The following COL20A1 variants were observed in gnomAD, a reference collection of about 807,000 sequenced individuals.
COL20A1 encodes the protein collagen alpha-1(XX) chain.
A neutral mutation model predicts 152.9 loss-of-function variants in COL20A1; 164 were observed. That is an observed-to-expected ratio of 1.07 (90% CI 0.94 to 1.22). COL20A1 has a LOEUF of 1.22. Among genes scored for constraint, COL20A1 ranks in the 50% most tolerant of loss-of-function variants. The probability of loss-of-function intolerance (pLI) is 0.00; values close to 1 mark genes in which losing one functional copy is unlikely to be tolerated. For missense variants in COL20A1, 1,873 were observed against 1,744.8 expected, an observed-to-expected ratio of 1.07 and a Z score of -1.31; for synonymous variants, 864 against 756.0, an observed-to-expected ratio of 1.14 and a Z score of -2.34.
At chr20:63,329,923 G>A (rs984548472) in intron 35 of COL20A1, among the ~76,000 whole-genome samples, 6 of 152,206 alleles carry the variant, frequency 3.9e-5, no homozygotes, top group South Asian at 2.1e-4. Context: ...ATGGATTGGC[G>A]TGCTGGGAGT....
At chr20:63,297,226 G>A (rs1468747086) in intron 2 of COL20A1, among the ~76,000 whole-genome samples, 5 of 152,126 alleles carry the variant, frequency 3.3e-5, no homozygotes, top group African/African-American at 1.2e-4. Flanking sequence ...CACTTGTCCT[G>A]GGGACCCAGC....
rs369956737 is a variant in COL20A1 at position 63,313,204 on chromosome 20, A to G, written c.2164A>G (p.Arg722Gly). The change falls in exon 17 of 36, where the codon AGG (arginine) becomes GGG (glycine). Residue 722 changes from arginine (R) to glycine (G), a missense_variant. Physicochemically the swap from Arg to Gly is moderately radical, Grantham distance 125. Coordinates refer to ENST00000358894, the MANE Select transcript of COL20A1 (RefSeq NM_020882.4). This position sits in a 1 kb window ranked among gnomAD's most constrained non-coding sequence, Gnocchi z 5.9. ...EYDVTILAYY[R>G]DGARSDPVSL... is the part of the protein sequence containing the mutation. ...CGACGTCACCATCTTGGCCTACTAC[A>G]GGGACGGGGCCCGCAGTGACCCTGT... is the stretch of plus-strand genomic sequence containing the variant. The G allele has an allele frequency of 2.2e-5, 36 of 1,612,390 alleles. No individual in the cohort carries two copies. The highest frequency in any genetic ancestry group is 2.0e-4 in the African/African-American group (15 of 74,890).
intron 20 of COL20A1, among the ~76,000 whole-genome samples, chr20:63,316,040 G>C (rs1258029438): frequency 6.6e-6 from 1 of 152,176 alleles, no homozygotes; most frequent in Non-Finnish European, 1.5e-5. Context: ...CAGGGAATGG[G>C]GTCATCGCAG....
Position 63,319,900 on chromosome 20 carries a change from C to G in COL20A1, c.2917-139C>G. The G allele has an allele frequency of 2.4e-6, 2 of 844,282 alleles. No individual in the cohort carries two copies. Among genetic ancestry groups the G allele is most frequent in the South Asian group, 1.8e-5 (1 of 55,736 alleles). The allele number at this position is 844,282 out of a possible 1,614,324, so 52.3% of individuals were successfully genotyped here. On this transcript the variant is annotated intron_variant, in intron 23 of 35. Transcript: ENST00000358894. This position sits in a 1 kb window ranked among gnomAD's most constrained non-coding sequence, Gnocchi z 4.4. ...AAGGGGGGGTTCTCCCAGGGTCCCC[C>G]GAAACCTGAGGTGAGGTCAGGTTCC...
intron 21 of COL20A1, among the ~76,000 whole-genome samples, chr20:63,317,720 TC>T (rs1040442027): frequency 1.3e-5 from 2 of 148,792 alleles, no homozygotes; most frequent in Non-Finnish European, 3.0e-5. Context: ...ATCCTCTCCC[TC>T]CCCCCAGTCT....
At chr20:63,315,467 G>A in intron 20 of COL20A1, 28 bp downstream of exon 20, 2 of 1,552,746 alleles carry the variant, frequency 1.3e-6, no homozygotes, top group South Asian at 1.2e-5. Flanking sequence ...TCCCCTGCCT[G>A]CCCACCCACA....
In COL20A1 at chr20:63,311,722, A is replaced by G; in HGVS notation, c.1637A>G (p.Glu546Gly). ...VQSLRGPEGS[E>G]ARGIRARTPT... ...AGCCTGCGAGGCCCTGAGGGCAGCGAGGCCCGGGGCATCCGTGCCAGGACC... is the reference window on the plus strand; with the variant it reads ...AGCCTGCGAGGCCCTGAGGGCAGCGGGGCCCGGGGCATCCGTGCCAGGACC... The change falls in exon 13 of 36, where the codon GAG (glutamate) becomes GGG (glycine). Residue 546 changes from glutamate (E) to glycine (G), a missense_variant. Glu to Gly is a moderately conservative substitution (Grantham distance 98). Coordinates refer to ENST00000358894, the MANE Select transcript of COL20A1 (RefSeq NM_020882.4). The surrounding 1 kb of genome is among the most constrained non-coding windows in gnomAD (Gnocchi z 4.4). 6.3e-7 allele frequency: 1 copy of G among 1,599,108 alleles called. No individual in the cohort carries two copies. Among genetic ancestry groups the G allele is most frequent in the Non-Finnish European group, 8.5e-7 (1 of 1,176,624 alleles).
chr20:63,328,230 C>T, intron 33 of COL20A1, 101 bp from the exon 34 acceptor site: 1 of 1,554,974 alleles, frequency 6.4e-7, no homozygotes, highest in South Asian at 1.1e-5. Flanking sequence ...CCGCCTTCAC[C>T]CATCGTTAGC....
chr20:63,328,615 C>A, intron 34 of COL20A1, 117 bp downstream of exon 34: 1 of 1,000,584 alleles, frequency 1.0e-6, no homozygotes, highest in Non-Finnish European at 1.4e-6. Flanking sequence ...GCTGGAGATG[C>A]CACTGTCCAG....
rs148943986 is a variant in COL20A1, at chr20:63,321,484, C to T, written c.3240+385C>T. On this transcript the variant is annotated intron_variant, in intron 26 of 35. Transcript: ENST00000358894. ...GTGTGAGGCTTGGGACGGATCCAGG[C>T]GCAACTGGGATCCAGAACTGTGCTG... is the stretch of plus-strand genomic sequence containing the variant. Among the ~76,000 whole-genome samples the T allele has an allele frequency of 5.5e-4, 84 of 152,334 alleles. No homozygotes were observed. In the East Asian group the frequency reaches 0.014, roughly 26 times the overall value.
At chr20:63,324,320 G>T (rs1182501577) in intron 27 of COL20A1, 3 of 152,080 alleles carry the variant, frequency 2.0e-5, no homozygotes, top group Non-Finnish European at 4.4e-5. Context: ...TCTTTTTCTT[G>T]TCTAATGGTG....
chr20:63,328,732 C>T (rs910045528), intron 34 of COL20A1, among the ~76,000 whole-genome samples: 9 of 152,348 alleles, frequency 5.9e-5, no homozygotes, highest in Admixed American at 3.9e-4. Flanking sequence ...CTCAAGATGA[C>T]CTCTTCCCCA....
intron 19 of COL20A1, 21 bp downstream of exon 19, chr20:63,314,222 C>T (rs2068055776): frequency 1.3e-6 from 2 of 1,549,770 alleles, no homozygotes; most frequent in African/African-American, 1.4e-5. Flanking sequence ...ACCAAGACCC[C>T]AGACCCAGGT....
intron 1 of COL20A1, among the ~76,000 whole-genome samples, chr20:63,294,516 A>T (rs1289794499): frequency 1.3e-5 from 2 of 151,938 alleles, no homozygotes; most frequent in African/African-American, 4.8e-5. Context: ...TCTCGGCCTC[A>T]GAGCCGTGTG....
At chr20:63,307,232 G>A (rs906186232) in intron 5 of COL20A1, among the ~76,000 whole-genome samples, 42 of 152,246 alleles carry the variant, frequency 2.8e-4, no homozygotes, top group Admixed American at 1.3e-3. Flanking sequence ...CTGATGTCTG[G>A]GCGGGCAGCT....
chr20:63,304,216 C>T, intron 3 of COL20A1, among the ~76,000 whole-genome samples: 1 of 104,968 alleles, frequency 9.5e-6, no homozygotes, highest in African/African-American at 3.7e-5. Flanking sequence ...TCCCTTCCTC[C>T]CTCCAGGTGT....
intron 27 of COL20A1, 113 bp from the exon 28 acceptor site, chr20:63,325,328 G>A (rs777530563): frequency 6.1e-5 from 51 of 832,914 alleles, no homozygotes; most frequent in Non-Finnish European, 8.6e-5. Context: ...AGCAGGGCTC[G>A]CCGGGGACCC....
At chr20:63,294,146 AG>A (rs2067754074) in intron 1 of COL20A1, among the ~76,000 whole-genome samples, 1 of 24,788 alleles carries the variant, frequency 4.0e-5, no homozygotes. Context: ...GTGTGAGGGG[AG>A]GGGGAGTGCG....
chr20:63,319,948 G>T lies in COL20A1; in HGVS notation c.2917-91G>T. The T allele has an allele frequency of 7.8e-7, 1 of 1,278,310 alleles. No homozygotes were observed. Among genetic ancestry groups the T allele is most frequent in the East Asian group, 2.6e-5 (1 of 38,644 alleles). 79.2% of individuals were successfully genotyped at this position (1,278,310 alleles called of 1,614,324 possible). On this transcript the variant is annotated intron_variant, in intron 23 of 35. Coordinates refer to ENST00000358894, the MANE Select transcript of COL20A1 (RefSeq NM_020882.4). This position sits in a 1 kb window ranked among gnomAD's most constrained non-coding sequence, Gnocchi z 4.4. Reference sequence around the variant, plus strand: ...TCCTGACCCCAGGTCCCAGGGATGGGTGTTACTCCCCAGCCCTGGCCTGGC... The same window carrying T: ...TCCTGACCCCAGGTCCCAGGGATGGTTGTTACTCCCCAGCCCTGGCCTGGC...
Sources: allele counts gnomAD v4.1 joint callset (sites outside exome capture counted in the v4.1 genomes callset), GRCh38; gene constraint gnomAD v4.1.1; non-coding constraint Gnocchi (gnomAD v3.1); transcripts MANE v1.5; gene names NCBI Gene and HGNC (gene_info 2026-07-23, HGNC 2026-07-21).